The following NINL variants were observed in gnomAD, a reference collection of about 807,000 sequenced individuals.
NINL encodes the protein ninein like, also known as ninein-like protein.
In NINL, 153 loss-of-function variants were observed where a neutral mutation model predicts 160.3. The ratio of observed to expected loss-of-function variants is 0.95; its 90% CI spans 0.84 to 1.09. The LOEUF (loss-of-function observed/expected upper bound fraction) is 1.09. Among genes scored for constraint, NINL ranks in the 50% least tolerant of loss-of-function variants. NINL has a pLI of 0.00. For synonymous variants in NINL, 800 were observed against 734.8 expected, an observed-to-expected ratio of 1.09 and a Z score of -1.43; for missense variants, 1,829 against 1,764.0, an observed-to-expected ratio of 1.04 and a Z score of -0.66.
chr20:25,479,258 T>C lies in NINL; in HGVS notation c.1918-52A>G, dbSNP rs372526207. On this transcript the variant is annotated intron_variant, in intron 15 of 23. Transcript: ENST00000278886. ...GACCAGGAGACCCTAAGAATGATCTTGCTGCTGACGTAACACAGAAACACG... is the reference window on the plus strand; with the variant it reads ...GACCAGGAGACCCTAAGAATGATCTCGCTGCTGACGTAACACAGAAACACG... 6 of 1,542,374 alleles carry C rather than the reference T, an allele frequency of 3.9e-6. No homozygotes were observed. In the African/African-American group the frequency reaches 4.1e-5, roughly 11 times the overall value.
In NINL at chr20:25,526,474, C is replaced by A; in HGVS notation, c.114G>T (p.Lys38Asn). 6.2e-7 allele frequency: 1 copy of A among 1,614,216 alleles called. No homozygotes were observed. Among genetic ancestry groups the A allele is most frequent in the Non-Finnish European group, 8.5e-7 (1 of 1,180,042 alleles). The change falls in exon 2 of 24, where the codon AAG (lysine) becomes AAT (asparagine). Residue 38 changes from lysine to asparagine, a missense_variant. By Grantham distance (94) the Lys-to-Asn change is moderately conservative. Transcript: ENST00000278886. ...CGGGCAGCTGCTGCTCCAGGTGAAG[C>A]TTAAGGCAGAGCTGGGTCAGCTCCT... Reference protein sequence around the residue: ...DRQELTQLCLKLHLEQQLPVL... With the variant: ...DRQELTQLCLNLHLEQQLPVL...
chr20:25,512,581 C>T (rs1049308220), intron 4 of NINL, among the ~76,000 whole-genome samples: 12 of 152,196 alleles, frequency 7.9e-5, no homozygotes, highest in African/African-American at 2.9e-4. Flanking sequence ...ATGCCTCCTG[C>T]ACAGTCTGAG....
rs376651950 is a variant in NINL at position 25,561,724 on chromosome 20, G to A, written c.-12+23731C>T. Among the ~76,000 whole-genome samples, 40 of 128,710 alleles carry A rather than the reference G, an allele frequency of 3.1e-4. 1 individual carries two copies. The highest frequency in any genetic ancestry group is 1.2e-3 in the African/African-American group (40 of 33,602). 84.4% of individuals were successfully genotyped at this position (128,710 alleles called of 152,430 possible). A position where few individuals can be genotyped will look rare whatever the true frequency, so the allele number is the denominator to read the frequency against. ...GTGAGGAGCGCCTCGGCCCGGCCGC[G>A]ACCCCGTCTGGGAGGTTAGGAGCGT... is the stretch of plus-strand genomic sequence containing the variant. On this transcript the variant is annotated intron_variant, in intron 1 of 23. Coordinates refer to ENST00000278886, the MANE Select transcript of NINL (RefSeq NM_025176.6).
intron 1 of NINL, among the ~76,000 whole-genome samples, chr20:25,535,553 G>A (rs1386021965): frequency 6.6e-6 from 1 of 152,082 alleles, no homozygotes; most frequent in Non-Finnish European, 1.5e-5. Flanking sequence ...TTCATAAACT[G>A]GGGTGGGGGA....
chr20:25,489,183 C>T, intron 13 of NINL, 61 bp downstream of exon 13: 1 of 1,479,362 alleles, frequency 6.8e-7, no homozygotes, highest in Non-Finnish European at 9.5e-7. Flanking sequence ...TGTGGACCAC[C>T]TGCGTGTGGA....
chr20:25,462,234 GCA>G, intron 20 of NINL, 147 bp downstream of exon 20: 1 of 674,836 alleles, frequency 1.5e-6, no homozygotes, highest in Non-Finnish European at 2.4e-6. Context: ...TGCCAACACA[GCA>G]CAGTCCACCT....
chr20:25,489,405 A>C, intron 12 of NINL, 81 bp from the exon 13 acceptor site: 1 of 1,277,316 alleles, frequency 7.8e-7, no homozygotes, highest in Non-Finnish European at 1.1e-6. Flanking sequence ...GGGCTCCAAG[A>C]ACCTGCCCAG....
intron 1 of NINL, among the ~76,000 whole-genome samples, chr20:25,568,970 C>G (rs960974869): frequency 6.6e-6 from 1 of 151,414 alleles, no homozygotes; most frequent in Non-Finnish European, 1.5e-5. Flanking sequence ...TGGCTCACAC[C>G]TGTAATCCCA....
rs13044759 is a variant in NINL, at chr20:25,503,987, G to A, written c.826C>T (p.Arg276Trp). The A allele has an allele frequency of 0.039, 63,195 of 1,614,014 alleles. 1,456 individuals are homozygous for A. Among genetic ancestry groups the A allele is most frequent in the South Asian group, 0.061 (5,565 of 91,072 alleles). ...EPALLLESST[R>W]VKPSKAWSHY... ...GACCAAGCCTTGCTCGGTTTAACCCGAGTGGAAGACTCTAGAAGTAGCGCG... is the reference window on the plus strand; with the variant it reads ...GACCAAGCCTTGCTCGGTTTAACCCAAGTGGAAGACTCTAGAAGTAGCGCG... Residue 276 changes from arginine to tryptophan, a missense_variant, in exon 7 of 24, where the codon CGG (arginine) becomes TGG (tryptophan). Transcript: ENST00000278886.
chr20:25,532,551 C>T (rs1600290909), intron 1 of NINL, among the ~76,000 whole-genome samples: 1 of 152,364 alleles, frequency 6.6e-6, no homozygotes, highest in East Asian at 1.9e-4. Context: ...CTTCTCAAGG[C>T]TGCACTGAGC....
intron 21 of NINL, among the ~76,000 whole-genome samples, chr20:25,459,520 C>T (rs560588735): frequency 2.6e-5 from 4 of 152,200 alleles, no homozygotes; most frequent in South Asian, 2.1e-4. Flanking sequence ...CTCCACCAAA[C>T]GCAGCCTTCT....
chr20:25,543,276 G>A (rs188281143), intron 1 of NINL, among the ~76,000 whole-genome samples: 24 of 152,132 alleles, frequency 1.6e-4, no homozygotes, highest in Admixed American at 7.9e-4. Context: ...GCAGCCGGGT[G>A]TGGTGACTCA....
intron 6 of NINL, among the ~76,000 whole-genome samples, 172 bp from the exon 7 acceptor site, chr20:25,504,276 C>T (rs924648041): frequency 2.6e-5 from 4 of 152,140 alleles, no homozygotes; most frequent in South Asian, 4.1e-4. Flanking sequence ...TTTCCCAAGC[C>T]GACCCCTCCC....
At chr20:25,478,320 G>A (rs930559600) in intron 16 of NINL, among the ~76,000 whole-genome samples, 3 of 152,150 alleles carry the variant, frequency 2.0e-5, no homozygotes, top group Admixed American at 2.0e-4. Flanking sequence ...CTTCTAAGCC[G>A]GGGCCAATGC....
chr20:25,497,814 A>T (rs1027782619), intron 9 of NINL, among the ~76,000 whole-genome samples: 1 of 152,114 alleles, frequency 6.6e-6, no homozygotes, highest in African/African-American at 2.4e-5. Flanking sequence ...GGGGGACCTC[A>T]TGTCTGTCCC....
At chr20:25,460,616 C>T (rs1418384695) in intron 21 of NINL, among the ~76,000 whole-genome samples, 1 of 152,174 alleles carries the variant, frequency 6.6e-6, no homozygotes, top group East Asian at 1.9e-4. Flanking sequence ...AGGCAGAGCA[C>T]CTCTGGAAAA....
At chr20:25,512,654 C>T (rs1294840714) in intron 4 of NINL, among the ~76,000 whole-genome samples, 180 bp downstream of exon 4, 3 of 152,210 alleles carry the variant, frequency 2.0e-5, no homozygotes. Context: ...TGAAGACAAC[C>T]AGACCCAATT....
intron 1 of NINL, among the ~76,000 whole-genome samples, chr20:25,532,501 T>A (rs1284290364): frequency 6.6e-6 from 1 of 152,210 alleles, no homozygotes; most frequent in South Asian, 2.1e-4. Flanking sequence ...TCTGCTCCAC[T>A]GTCCCCATGT....
rs1432720525 is a variant in NINL, at chr20:25,479,114, G to A, written c.2010C>T (p.Ser670=). ...DMEQARRREV[S]VLEGQKADLE... ...GGTCGGCCTTCTGACCCTCCAGCAC[G>A]CTGACCTCGCGCCTGCGAGCCTGCT... Residue 670 remains serine, a synonymous_variant, in exon 16 of 24, where the codon AGC becomes AGT. Coordinates refer to ENST00000278886, the MANE Select transcript of NINL (RefSeq NM_025176.6). 1.1e-5 allele frequency: 17 copies of A among 1,613,646 alleles called. No individual in the cohort carries two copies. The highest frequency in any genetic ancestry group is 2.7e-5 in the African/African-American group (2 of 74,930).
Sources: gnomAD v4.1 joint callset for allele counts (sites outside exome capture counted in the v4.1 genomes callset) on GRCh38, gnomAD v4.1.1 for gene constraint, MANE v1.5 for transcripts, NCBI Gene and HGNC (gene_info 2026-07-23, HGNC 2026-07-21) for gene names.